Variants in RNF121 observed in about 807,000 individuals in gnomAD.
RNF121 encodes the protein ring finger protein 121, also known as E3 ubiquitin ligase RNF121.
RNF121 carries 21 observed loss-of-function variants against 46.5 expected under a neutral mutation model. The observed-to-expected ratio is 0.45, with a 90% CI of 0.32 to 0.65. The LOEUF (loss-of-function observed/expected upper bound fraction) is 0.65, where lower values mean the gene tolerates loss of function less well. Among genes scored for constraint, RNF121 ranks in the 30% least tolerant of loss-of-function variants. The pLI is 0.04. For missense variants in RNF121, 346 were observed against 416.0 expected, an observed-to-expected ratio of 0.83 and a Z score of 1.46; for synonymous variants, 139 against 144.7, an observed-to-expected ratio of 0.96 and a Z score of 0.28.
chr11:71,991,547 A>G (rs1446300239), intron 6 of RNF121, among the ~76,000 whole-genome samples: 1 of 152,218 alleles, frequency 6.6e-6, no homozygotes. Flanking sequence ...CTGTAAACAC[A>G]TGTAGTAGTG....
chr11:71,984,986 A>C (rs1445707907), intron 4 of RNF121, among the ~76,000 whole-genome samples: 1 of 152,090 alleles, frequency 6.6e-6, no homozygotes, highest in Admixed American at 6.5e-5. Flanking sequence ...CAGTGCCATG[A>C]TCACAACTCA....
chr11:71,965,733 AAT>A (rs1167923810), intron 3 of RNF121, among the ~76,000 whole-genome samples: 1 of 152,204 alleles, frequency 6.6e-6, no homozygotes, highest in Admixed American at 6.5e-5. Flanking sequence ...CTGGTCAAAA[AAT>A]ATATGTGTTT....
intron 1 of RNF121, among the ~76,000 whole-genome samples, chr11:71,950,106 G>C (rs1457422674): frequency 6.6e-6 from 1 of 152,116 alleles, no homozygotes; most frequent in Non-Finnish European, 1.5e-5. Context: ...TAGTTGATCA[G>C]TTGTTAGTAT....
At chr11:71,990,398 G>C (rs1324979570) in intron 5 of RNF121, among the ~76,000 whole-genome samples, 199 bp from the exon 6 acceptor site, 1 of 152,232 alleles carries the variant, frequency 6.6e-6, no homozygotes, top group Non-Finnish European at 1.5e-5. Context: ...ACAGCCTACA[G>C]TGCTAGCTAG....
intron 1 of RNF121, among the ~76,000 whole-genome samples, chr11:71,956,598 G>T (rs544281560): frequency 4.1e-4 from 62 of 152,318 alleles, no homozygotes; most frequent in Admixed American, 3.7e-3. Flanking sequence ...AATTCAGTTT[G>T]CCCAGGTCCA....
chr11:71,935,215 G>A (rs959359351), intron 1 of RNF121, among the ~76,000 whole-genome samples: 2 of 152,210 alleles, frequency 1.3e-5, no homozygotes, highest in Non-Finnish European at 2.9e-5. Context: ...TTACAGGCAT[G>A]AGCCACTGCG....
At position 71,960,890 on chromosome 11, in the gene RNF121, A is replaced by T; in HGVS notation, c.242A>T (p.Asn81Ile). Residue 81 changes from asparagine to isoleucine, a missense_variant and splice_region_variant, in exon 3 of 9, where the codon AAT becomes ATT. Around this residue, in one of 2 missense-constraint regions of RNF121, gnomAD observed 286 missense variants for 383.8 expected, o/e 0.75. Coordinates refer to ENST00000361756, the MANE Select transcript of RNF121 (RefSeq NM_018320.5). ...AAGCAGAGGCACCCACGCTCCTACA[A>T]TGTAAGCCACTTTGCCTCTTACTTC... ...QWKQRHPRSYNMVTLFQMWVV... is the reference protein window; with the variant it reads ...QWKQRHPRSYIMVTLFQMWVV... The T allele has an allele frequency of 6.2e-7, 1 of 1,613,558 alleles. No homozygotes were observed. The highest frequency in any genetic ancestry group is 1.1e-5 in the South Asian group (1 of 91,052).
chr11:71,991,850 A>G (rs1170907151), intron 6 of RNF121, among the ~76,000 whole-genome samples: 3 of 152,082 alleles, frequency 2.0e-5, no homozygotes, highest in African/African-American at 7.2e-5. Flanking sequence ...GGCCGGGCAC[A>G]GTGGCTCACT....
At chr11:71,985,653 A>G (rs2134210461) in intron 4 of RNF121, among the ~76,000 whole-genome samples, 1 of 152,318 alleles carries the variant, frequency 6.6e-6, no homozygotes, top group East Asian at 1.9e-4. Context: ...AGGGTTCAGC[A>G]GGGTTGGTAG....
intron 1 of RNF121, among the ~76,000 whole-genome samples, chr11:71,941,499 G>A (rs1775326355): frequency 6.6e-6 from 1 of 152,214 alleles, no homozygotes; most frequent in Admixed American, 6.5e-5. Flanking sequence ...TGAGGTCCTT[G>A]CTCATATTAG....
chr11:71,947,350 A>G (rs1953751349), intron 1 of RNF121, among the ~76,000 whole-genome samples: 1 of 152,058 alleles, frequency 6.6e-6, no homozygotes, highest in African/African-American at 2.4e-5. Flanking sequence ...TTACCCAGGC[A>G]TGGTGGCATG....
At chr11:71,931,124 C>A (rs1422881012) in intron 1 of RNF121, among the ~76,000 whole-genome samples, 2 of 152,132 alleles carry the variant, frequency 1.3e-5, no homozygotes, top group East Asian at 3.9e-4. Flanking sequence ...TGTGAGTCAC[C>A]GCGCCCGGCT....
At chr11:71,940,126 C>G (rs1220246387) in intron 1 of RNF121, among the ~76,000 whole-genome samples, 1 of 152,194 alleles carries the variant, frequency 6.6e-6, no homozygotes, top group Non-Finnish European at 1.5e-5. Context: ...CATGAAGTCT[C>G]TAATCCTTGA....
At chr11:71,931,765 A>G (rs1366854274) in intron 1 of RNF121, among the ~76,000 whole-genome samples, 1 of 152,158 alleles carries the variant, frequency 6.6e-6, no homozygotes, top group African/African-American at 2.4e-5. Flanking sequence ...AGTCTTTATG[A>G]TAGAGATGGG....
chr11:71,960,684 GA>G, intron 2 of RNF121, 65 bp from the exon 3 acceptor site: 1 of 1,559,266 alleles, frequency 6.4e-7, no homozygotes, highest in Non-Finnish European at 8.7e-7. Context: ...GATATCCCTG[GA>G]AAGCACTGTC....
chr11:71,930,722 G>C (rs1225453101), intron 1 of RNF121, among the ~76,000 whole-genome samples: 1 of 152,194 alleles, frequency 6.6e-6, no homozygotes, highest in Non-Finnish European at 1.5e-5. Flanking sequence ...TTTAAGGTTT[G>C]TTAGTCATGG....
chr11:71,996,468 ATG>A lies in RNF121; in HGVS notation c.*154_*155del. The A allele has an allele frequency of 1.2e-6, 1 of 833,878 alleles. No individual in the cohort carries two copies. Among genetic ancestry groups the A allele is most frequent in the Non-Finnish European group, 1.8e-6 (1 of 552,586 alleles). The allele number at this position is 833,878 out of a possible 1,614,324, so 51.7% of individuals were successfully genotyped here. A position where few individuals can be genotyped will look rare whatever the true frequency, so the allele number is the denominator to read the frequency against. ...TGGCTGTGTCGGACTGGGGAGGGAT[ATG>A]ATGGAGAGCCAGCCAGTGGGGCTGT... On this transcript the variant is annotated 3_prime_UTR_variant, in exon 9 of 9. Coordinates refer to ENST00000361756, the MANE Select transcript of RNF121 (RefSeq NM_018320.5).
intron 1 of RNF121, among the ~76,000 whole-genome samples, chr11:71,952,577 G>A (rs1190383066): frequency 6.6e-6 from 1 of 152,196 alleles, no homozygotes; most frequent in African/African-American, 2.4e-5. Context: ...GGGAGGCTGA[G>A]GCAGGCAGGT....
chr11:71,950,313 G>A (rs531432778), intron 1 of RNF121, among the ~76,000 whole-genome samples: 6 of 152,114 alleles, frequency 3.9e-5, no homozygotes, highest in African/African-American at 1.4e-4. Flanking sequence ...AGCCAGGCAC[G>A]GTGGCTCACG....
Sources: gnomAD v4.1 joint callset for allele counts (sites outside exome capture counted in the v4.1 genomes callset) on GRCh38, gnomAD v4.1.1 for gene constraint, gnomAD v4.1.1 regional missense constraint, MANE v1.5 for transcripts, NCBI Gene and HGNC (gene_info 2026-07-23, HGNC 2026-07-21) for gene names.